Variants in QTMAN observed in about 807,000 individuals in gnomAD.
QTMAN encodes the protein tRNA-queuosine alpha-mannosyltransferase.
At chr2:144,203,353 G>C in the QTMAN span, among the ~76,000 whole-genome samples, 44 of 152,250 alleles carry the variant, frequency 2.9e-4, 1 homozygote, top group South Asian at 9.1e-3. Flanking sequence ...TCAACATAAA[G>C]TCAGCATGCC....
At chr2:143,947,019 T>A in the QTMAN span, 1 of 1,468,316 alleles carries the variant, frequency 6.8e-7, no homozygotes, top group Non-Finnish European at 9.5e-7. Context: ...AGATTCTGCC[T>A]TAGGCTGCAA....
the QTMAN span, among the ~76,000 whole-genome samples, chr2:143,978,902 AC>A: frequency 1.3e-5 from 2 of 152,224 alleles, no homozygotes; most frequent in African/African-American, 4.8e-5. Context: ...CAAAACGCTT[AC>A]TAGTTATCCT....
chr2:144,133,769 A>C, the QTMAN span, among the ~76,000 whole-genome samples: 1 of 151,066 alleles, frequency 6.6e-6, no homozygotes, highest in Non-Finnish European at 1.5e-5. Context: ...ATAATTCTAT[A>C]AATTTTTTAA....
the QTMAN span, among the ~76,000 whole-genome samples, chr2:144,278,683 G>C: frequency 6.6e-6 from 1 of 151,434 alleles, no homozygotes; most frequent in Non-Finnish European, 1.5e-5. Flanking sequence ...ATCTTTTACT[G>C]AGCACCACAA....
At chr2:144,112,506 A>G in the QTMAN span, among the ~76,000 whole-genome samples, 1 of 152,260 alleles carries the variant, frequency 6.6e-6, no homozygotes, top group Admixed American at 6.5e-5. Context: ...AACAGCCCCT[A>G]GAAAAATCTA....
At chr2:144,259,602 G>A in the QTMAN span, among the ~76,000 whole-genome samples, 6 of 152,060 alleles carry the variant, frequency 3.9e-5, no homozygotes, top group African/African-American at 4.8e-5. Flanking sequence ...CAAATAATCC[G>A]CCAATCTTTT....
chr2:144,116,997 T>C, the QTMAN span, among the ~76,000 whole-genome samples: 3 of 152,194 alleles, frequency 2.0e-5, no homozygotes, highest in Non-Finnish European at 2.9e-5. Flanking sequence ...CAAGATCTCA[T>C]GTGAAGCAGT....
chr2:144,074,638 A>T, the QTMAN span, among the ~76,000 whole-genome samples: 1 of 152,258 alleles, frequency 6.6e-6, no homozygotes. Flanking sequence ...ATCCAGCTCA[A>T]TGATTTCATT....
the QTMAN span, among the ~76,000 whole-genome samples, chr2:144,131,179 C>G: frequency 6.6e-6 from 1 of 151,874 alleles, no homozygotes; most frequent in Non-Finnish European, 1.5e-5. Flanking sequence ...CAGGTCAGCT[C>G]CATCTAAACG....
the QTMAN span, among the ~76,000 whole-genome samples, chr2:144,236,165 A>T: frequency 1.3e-3 from 194 of 152,196 alleles, 2 homozygotes; most frequent in Middle Eastern, 3.4e-3. Flanking sequence ...AACTGTCAAG[A>T]ACCTCTGCTG....
At chr2:144,007,336 T>C in the QTMAN span, 1 of 1,613,364 alleles carries the variant, frequency 6.2e-7, no homozygotes. Flanking sequence ...GATTCCTGTC[T>C]TAATGAGTTA....
At chr2:144,218,030 T>C in the QTMAN span, among the ~76,000 whole-genome samples, 1 of 152,192 alleles carries the variant, frequency 6.6e-6, no homozygotes, top group Admixed American at 6.5e-5. Context: ...TTGTTATCTC[T>C]AGCACTCAGC....
At chr2:144,216,392 A>G in the QTMAN span, among the ~76,000 whole-genome samples, 1 of 152,192 alleles carries the variant, frequency 6.6e-6, no homozygotes, top group South Asian at 2.1e-4. Context: ...CACAGCAGAC[A>G]AACTAGGTTT....
At chr2:144,269,513 C>T in the QTMAN span, among the ~76,000 whole-genome samples, 1 of 151,888 alleles carries the variant, frequency 6.6e-6, no homozygotes, top group Non-Finnish European at 1.5e-5. Flanking sequence ...CAGACATAAT[C>T]CAAAAATATC....
At chr2:143,959,434 T>C in the QTMAN span, among the ~76,000 whole-genome samples, 1 of 152,100 alleles carries the variant, frequency 6.6e-6, no homozygotes, top group African/African-American at 2.4e-5. Context: ...TTTCACTGAG[T>C]AAAATGGTAC....
chr2:144,145,087 A>T, the QTMAN span, among the ~76,000 whole-genome samples: 1 of 147,526 alleles, frequency 6.8e-6, no homozygotes, highest in Admixed American at 6.8e-5. Flanking sequence ...CATTGTCCAT[A>T]GTCTTCTCTG....
chr2:144,134,051 AAGCAGAACTC>A, the QTMAN span, among the ~76,000 whole-genome samples: 1 of 152,136 alleles, frequency 6.6e-6, no homozygotes, highest in African/African-American at 2.4e-5. Context: ...ACTTCCCTAA[AAGCAGAACTC>A]TTGATGGCAG....
At chr2:144,138,437 T>G in the QTMAN span, among the ~76,000 whole-genome samples, 1 of 151,876 alleles carries the variant, frequency 6.6e-6, no homozygotes, top group Non-Finnish European at 1.5e-5. Flanking sequence ...AATTTTAAGA[T>G]GTAAGAAATA....
chr2:144,006,880 T>C, the QTMAN span: 1 of 239,138 alleles, frequency 4.2e-6, no homozygotes, highest in Non-Finnish European at 8.0e-6. Flanking sequence ...TAAAATGGAA[T>C]CTGATTCTTA....
Sources: gnomAD v4.1 joint callset for allele counts (sites outside exome capture counted in the v4.1 genomes callset) on GRCh38, gnomAD v4.1.1 for gene constraint, MANE v1.5 for transcripts, NCBI Gene and HGNC (gene_info 2026-07-23, HGNC 2026-07-21) for gene names.